TIMM23: variants seen among roughly 807,000 people sequenced by gnomAD.
TIMM23 encodes the protein mitochondrial import inner membrane translocase subunit Tim23.
In TIMM23, 19 loss-of-function variants were observed where a neutral mutation model predicts 30.7. The observed-to-expected ratio is 0.62, with a 90% CI of 0.43 to 0.91. The LOEUF (loss-of-function observed/expected upper bound fraction) is 0.91. TIMM23 is among the 40% of genes least tolerant of loss of function. The pLI is 0.00. For synonymous variants in TIMM23, 78 were observed against 98.5 expected (o/e 0.79, Z 1.23); for missense variants, 202 against 269.2 (o/e 0.75, Z 1.75).
intron 6 of TIMM23, among the ~76,000 whole-genome samples, chr10:45,991,619 C>T (rs1308192067): frequency 3.9e-5 from 6 of 151,970 alleles, no homozygotes; most frequent in East Asian, 1.9e-4. Flanking sequence ...GGTGTGGTGG[C>T]GCATGCCTGA....
At chr10:45,995,901 G>A (rs1838314226) in intron 6 of TIMM23, among the ~76,000 whole-genome samples, 2 of 145,756 alleles carry the variant, frequency 1.4e-5, no homozygotes, top group African/African-American at 5.2e-5. Context: ...AAGACTCTTA[G>A]GTCTGTGGAG....
At chr10:45,990,673 T>A (rs1428915292) in intron 6 of TIMM23, 2 of 426,148 alleles carry the variant, frequency 4.7e-6, no homozygotes, top group Admixed American at 2.7e-5. Flanking sequence ...TCATCCTGCC[T>A]CAGCCTCCCA....
intron 6 of TIMM23, among the ~76,000 whole-genome samples, chr10:45,990,367 CCCT>C (rs1246447891): frequency 1.3e-5 from 2 of 152,168 alleles, no homozygotes; most frequent in Non-Finnish European, 2.9e-5. Flanking sequence ...AGGTGTTCCA[CCCT>C]CCTCAGCCTC....
intron 5 of TIMM23, among the ~76,000 whole-genome samples, chr10:45,987,947 A>G (rs1838045291): frequency 6.6e-6 from 1 of 152,096 alleles, no homozygotes; most frequent in African/African-American, 2.4e-5. Flanking sequence ...AAAGGATACA[A>G]ATAGCCCAGT....
At chr10:45,973,530 A>G (rs1554912331) in intron 1 of TIMM23, among the ~76,000 whole-genome samples, 1 of 152,252 alleles carries the variant, frequency 6.6e-6, no homozygotes, top group African/African-American at 2.4e-5. Context: ...AGGAACAACA[A>G]CAACGAAATA....
intron 6 of TIMM23, among the ~76,000 whole-genome samples, chr10:45,997,441 C>T (rs981815907): frequency 2.0e-5 from 3 of 152,150 alleles, no homozygotes; most frequent in African/African-American, 4.8e-5. Context: ...GAATGGAAGA[C>T]GGCTGGGATG....
rs1446763191 is a variant in TIMM23 at position 45,974,604 on chromosome 10, A to G, written c.107-850A>G. Reference sequence around the variant, plus strand: ...GGTAAGGAGTTTCGATTTTCTTAAGACAAATCACTGTAGTTGCTATGTAGA... The same window carrying G: ...GGTAAGGAGTTTCGATTTTCTTAAGGCAAATCACTGTAGTTGCTATGTAGA... On this transcript the variant is annotated intron_variant, in intron 1 of 6. Transcript: ENST00000580018. Among the ~76,000 whole-genome samples, 24 of 152,354 alleles carry G rather than the reference A, an allele frequency of 1.6e-4. No individual in the cohort carries two copies. The South Asian group carries it at 2.7e-3, about 17-fold the overall frequency.
In TIMM23 at chr10:45,976,672, A is replaced by C. The variant is rs1435143649; in HGVS notation, c.165+1160A>C. ...CAGCCTGTTAAATGCCATCTACAGAATATCCAAAGCTAACATAATTTAATG... is the reference window on the plus strand; with the variant it reads ...CAGCCTGTTAAATGCCATCTACAGACTATCCAAAGCTAACATAATTTAATG... On this transcript the variant is annotated intron_variant, in intron 2 of 6. Coordinates refer to ENST00000580018, the MANE Select transcript of TIMM23 (RefSeq NM_006327.4). 3.9e-5 allele frequency among the ~76,000 whole-genome samples: 6 copies of C among 152,204 alleles called. No individual in the cohort carries two copies. In the South Asian group the frequency reaches 1.2e-3, roughly 32 times the overall value.
intron 6 of TIMM23, among the ~76,000 whole-genome samples, chr10:45,997,978 G>C (rs1475365220): frequency 6.6e-6 from 1 of 152,138 alleles, no homozygotes; most frequent in African/African-American, 2.4e-5. Flanking sequence ...GACAGCTGCT[G>C]ACAGTCCTCA....
At chr10:45,981,844 T>C (rs1837856576) in intron 2 of TIMM23, among the ~76,000 whole-genome samples, 1 of 152,212 alleles carries the variant, frequency 6.6e-6, no homozygotes, top group Non-Finnish European at 1.5e-5. Context: ...TTTTTGAGTG[T>C]GTTTTTCATA....
intron 6 of TIMM23, among the ~76,000 whole-genome samples, chr10:45,995,942 G>A: frequency 6.7e-6 from 1 of 149,524 alleles, no homozygotes; most frequent in Non-Finnish European, 1.5e-5. Flanking sequence ...TGTGGTGGAT[G>A]AATTACTGAA....
rs936015327 is a variant in TIMM23 at position 45,998,277 on chromosome 10, C to G, written c.515-4926C>G. On this transcript the variant is annotated intron_variant, in intron 6 of 6. Transcript: ENST00000580018. The stretch of plus-strand genomic sequence containing the variant: ...ATGCATTAGTTCTGCCACTAATCAA[C>G]CCTATATCCCACAAACAAGGCACTT... The G allele has an allele frequency of 2.9e-4, 167 of 568,226 alleles. 1 individual carries two copies. In the African/African-American group the frequency reaches 3.2e-3, roughly 11 times the overall value. The allele number at this position is 568,226 out of a possible 1,614,324, so 35.2% of individuals were successfully genotyped here. A position where few individuals can be genotyped will look rare whatever the true frequency, so the allele number is the denominator to read the frequency against.
At chr10:45,973,072 A>G (rs2132234986) in intron 1 of TIMM23, among the ~76,000 whole-genome samples, 1 of 152,278 alleles carries the variant, frequency 6.6e-6, no homozygotes, top group African/African-American at 2.4e-5. Flanking sequence ...GAGTAAATGT[A>G]TTCCAAATAG....
intron 6 of TIMM23, among the ~76,000 whole-genome samples, chr10:45,991,988 T>C (rs1838177511): frequency 1.3e-5 from 2 of 151,314 alleles, no homozygotes; most frequent in South Asian, 2.1e-4. Context: ...TTTTTTTGAG[T>C]TGGGGTCTTG....
intron 6 of TIMM23, among the ~76,000 whole-genome samples, chr10:45,998,840 T>TC (rs1838426243): frequency 2.0e-5 from 3 of 151,242 alleles, no homozygotes; most frequent in Admixed American, 6.6e-5. Context: ...TCTTTTTTTT[T>TC]TTTTTTTTTT....
intron 6 of TIMM23, among the ~76,000 whole-genome samples, chr10:45,997,116 G>A (rs1256411692): frequency 6.6e-5 from 10 of 151,970 alleles, no homozygotes; most frequent in South Asian, 2.1e-4. Flanking sequence ...TGCTACTCCC[G>A]AGGCTGAGGT....
Position 45,988,786 on chromosome 10 carries a change from A to C in TIMM23, c.453A>C (p.Ala151=). 6.2e-7 allele frequency: 1 copy of C among 1,613,916 alleles called. No individual in the cohort carries two copies. Among genetic ancestry groups the C allele is most frequent in the Admixed American group, 1.7e-5 (1 of 60,010 alleles). The change falls in exon 6 of 7, where the codon GCA becomes GCC. Residue 151 remains alanine, a synonymous_variant. Coordinates refer to ENST00000580018, the MANE Select transcript of TIMM23 (RefSeq NM_006327.4). ...FGVIIEKTRG[A]EDDLNTVAAG... is the part of the protein sequence containing the mutation. ...TCATCATTGAGAAAACACGAGGTGC[A>C]GAAGATGACCTTAACACAGTAGCAG...
In TIMM23 at chr10:45,999,190, A is replaced by G. The variant is rs893306460; in HGVS notation, c.515-4013A>G. Among the ~76,000 whole-genome samples, 76 of 151,010 alleles carry G rather than the reference A, an allele frequency of 5.0e-4. 1 individual carries two copies. The East Asian group carries it at 0.014, about 27-fold the overall frequency. ...AGGTCTGGCTTTGTTGCCCAGGCTGAAGTACAGTGGCACGATCTTGGCTCA... is the reference window on the plus strand; with the variant it reads ...AGGTCTGGCTTTGTTGCCCAGGCTGGAGTACAGTGGCACGATCTTGGCTCA... On this transcript the variant is annotated intron_variant, in intron 6 of 6. Coordinates refer to ENST00000580018, the MANE Select transcript of TIMM23 (RefSeq NM_006327.4).
chr10:45,977,672 G>A (rs1419909059), intron 2 of TIMM23, among the ~76,000 whole-genome samples: 2 of 152,156 alleles, frequency 1.3e-5, no homozygotes, highest in East Asian at 1.9e-4. Flanking sequence ...AAGCACAAGT[G>A]GTAAAAAGAA....
Sources: allele counts gnomAD v4.1 joint callset (sites outside exome capture counted in the v4.1 genomes callset), GRCh38; gene constraint gnomAD v4.1.1; transcripts MANE v1.5; gene names NCBI Gene and HGNC (gene_info 2026-07-23, HGNC 2026-07-21).